Variants in BTRC observed in about 807,000 individuals in gnomAD.
BTRC encodes the protein beta-transducin repeat containing E3 ubiquitin protein ligase, also known as F-box/WD repeat-containing protein 1A.
BTRC carries 42 observed loss-of-function variants against 85.5 expected under a neutral mutation model. That is an observed-to-expected ratio of 0.49 (90% confidence interval 0.38 to 0.64). The LOEUF (loss-of-function observed/expected upper bound fraction) is 0.64. Ranked by LOEUF, BTRC falls within the 30% of genes least tolerant of loss-of-function variation. BTRC has a pLI of 0.00. For synonymous variants in BTRC, 255 were observed against 263.3 expected (o/e 0.97, Z 0.30); for missense variants, 594 against 743.5 (o/e 0.80, Z 2.34).
intron 9 of BTRC, 62 bp downstream of exon 9, chr10:101,533,132 T>C (rs2062326390): frequency 8.0e-7 from 1 of 1,245,386 alleles, no homozygotes; most frequent in African/African-American, 1.5e-5. Flanking sequence ...TTCTTTGTCA[T>C]AGATAGTAAT....
intron 1 of BTRC, among the ~76,000 whole-genome samples, chr10:101,410,701 C>CT (rs71016319): frequency 0.36 from 54,805 of 151,738 alleles, 10,990 homozygotes; most frequent in Middle Eastern, 0.48. Context: ...ATTGAGTTGT[C>CT]TTTTTTTATT....
At chr10:101,439,456 G>A (rs1035818829) in intron 2 of BTRC, among the ~76,000 whole-genome samples, 2 of 152,194 alleles carry the variant, frequency 1.3e-5, no homozygotes, top group African/African-American at 4.8e-5. Flanking sequence ...GAGAAAGAGA[G>A]ACTGACATAC....
chr10:101,467,716 A>G (rs1432700202), intron 3 of BTRC, among the ~76,000 whole-genome samples: 1 of 151,756 alleles, frequency 6.6e-6, no homozygotes, highest in African/African-American at 2.4e-5. Context: ...ATTGCCTGAG[A>G]TGTTTATTAA....
At chr10:101,538,159 C>T (rs1195128924) in intron 12 of BTRC, 134 bp from the exon 13 acceptor site, 1 of 743,132 alleles carries the variant, frequency 1.3e-6, no homozygotes, top group Non-Finnish European at 2.3e-6. Flanking sequence ...GCCTGTTTCT[C>T]ATTTGTAGGT....
At chr10:101,528,537 CT>C (rs1298517315) in intron 6 of BTRC, among the ~76,000 whole-genome samples, 1 of 152,182 alleles carries the variant, frequency 6.6e-6, no homozygotes, top group Non-Finnish European at 1.5e-5. Flanking sequence ...ACTATATCCC[CT>C]TGTCTTTGGG....
intron 4 of BTRC, among the ~76,000 whole-genome samples, chr10:101,507,066 G>A (rs1455488742): frequency 1.3e-5 from 2 of 152,150 alleles, no homozygotes; most frequent in Admixed American, 6.5e-5. Flanking sequence ...CATTTTAAAA[G>A]ATTTTATACA....
At chr10:101,401,713 G>A (rs1294479316) in intron 1 of BTRC, among the ~76,000 whole-genome samples, 3 of 151,660 alleles carry the variant, frequency 2.0e-5, no homozygotes, top group Admixed American at 6.6e-5. Flanking sequence ...TGGCTCACAC[G>A]TGTAATCCTG....
In BTRC at chr10:101,523,206, A is replaced by AAAAT. The variant is rs527889719; in HGVS notation, c.556+1354_556+1357dup. On this transcript the variant is annotated intron_variant, in intron 5 of 14. Coordinates refer to ENST00000370187, the MANE Select transcript of BTRC (RefSeq NM_033637.4). ...GCGACAGGGCGAGACTCCATCTCAGAAAATAAATAAATAAATAAATAGATA... is the reference window on the plus strand; with the variant it reads ...GCGACAGGGCGAGACTCCATCTCAGAAAATAAATAAATAAATAAATAAATAGATA... Among the ~76,000 whole-genome samples, 44 of 152,290 alleles carry AAAAT rather than the reference A, an allele frequency of 2.9e-4. No homozygotes were observed. In the South Asian group the frequency reaches 5.0e-3, roughly 17 times the overall value.
intron 1 of BTRC, among the ~76,000 whole-genome samples, chr10:101,419,691 AC>A (rs1944045333): frequency 6.6e-6 from 1 of 152,178 alleles, no homozygotes; most frequent in Non-Finnish European, 1.5e-5. Context: ...CATCACCTTT[AC>A]CAAGGGCATG....
chr10:101,360,146 C>T (rs1302739162), intron 1 of BTRC, among the ~76,000 whole-genome samples: 2 of 151,894 alleles, frequency 1.3e-5, no homozygotes, highest in African/African-American at 4.8e-5. Context: ...CCCCTACCTC[C>T]TGGGTTCAAG....
At chr10:101,410,691 ATTGAGTTGTCTTTTTTTATTTTT>A (rs2134021931) in intron 1 of BTRC, among the ~76,000 whole-genome samples, 2 of 139,844 alleles carry the variant, frequency 1.4e-5, no homozygotes, top group African/African-American at 5.0e-5. Flanking sequence ...CCATTTTTTA[ATTGAGTTGTCTTTTTTTATTTTT>A]TTGAGTTGTA....
chr10:101,534,940 A>G (rs2062362838), intron 10 of BTRC, 30 bp downstream of exon 10: 34 of 1,598,696 alleles, frequency 2.1e-5, no homozygotes, highest in Non-Finnish European at 2.7e-5. Context: ...TAAGTTTCCA[A>G]CTTAGAATGG....
intron 4 of BTRC, among the ~76,000 whole-genome samples, chr10:101,504,032 T>C (rs558495319): frequency 3.3e-5 from 5 of 152,218 alleles, no homozygotes; most frequent in Non-Finnish European, 7.3e-5. Context: ...ATGTTAGAAC[T>C]GAATTTTCTG....
rs150061719 is a variant in BTRC at position 101,521,439 on chromosome 10, G to A, written c.325-200G>A. ...ATGTCTTCTGCAAACTTTTGGAAATGGATGCTTAGTCTTCTAGTATTATAG... is the reference window on the plus strand; with the variant it reads ...ATGTCTTCTGCAAACTTTTGGAAATAGATGCTTAGTCTTCTAGTATTATAG... On this transcript the variant is annotated intron_variant, in intron 4 of 14. Transcript: ENST00000370187. 3.4e-3 allele frequency among the ~76,000 whole-genome samples: 519 copies of A among 152,288 alleles called. 3 individuals carry two copies. The highest frequency in any genetic ancestry group is 0.012 in the African/African-American group (499 of 41,562).
chr10:101,444,999 T>C (rs1203252556), intron 2 of BTRC, among the ~76,000 whole-genome samples: 1 of 152,152 alleles, frequency 6.6e-6, no homozygotes. Flanking sequence ...ACACAATGAA[T>C]GGGGCAGGAG....
chr10:101,368,271 C>T lies in BTRC; in HGVS notation c.48+14043C>T, dbSNP rs555385370. 5.3e-5 allele frequency among the ~76,000 whole-genome samples: 8 copies of T among 152,280 alleles called. No individual in the cohort carries two copies. The East Asian group carries it at 7.7e-4, about 15-fold the overall frequency. On this transcript the variant is annotated intron_variant, in intron 1 of 14. Coordinates refer to ENST00000370187, the MANE Select transcript of BTRC (RefSeq NM_033637.4). ...GATTTCTGCACATGCAGCTCCTCTT[C>T]GCCCTCCACCGTGAGTGGAAGCCGC... is the stretch of plus-strand genomic sequence containing the variant.
chr10:101,422,399 A>C (rs1290533231), intron 1 of BTRC, among the ~76,000 whole-genome samples: 4 of 152,036 alleles, frequency 2.6e-5, no homozygotes, highest in Non-Finnish European at 5.9e-5. Flanking sequence ...AGATTGCAAA[A>C]ATTTTCTTCC....
At chr10:101,453,607 ATTT>A (rs986263091) in intron 2 of BTRC, 2 of 152,154 alleles carry the variant, frequency 1.3e-5, no homozygotes, top group African/African-American at 4.8e-5. Context: ...AATTAGTTTA[ATTT>A]TTTATTTGAT....
chr10:101,529,559 A>T (rs1330244703), intron 6 of BTRC, among the ~76,000 whole-genome samples: 1 of 152,192 alleles, frequency 6.6e-6, no homozygotes, highest in Non-Finnish European at 1.5e-5. Flanking sequence ...GTACAGAGAA[A>T]TGTACCATTA....
Sources: allele counts gnomAD v4.1 joint callset (sites outside exome capture counted in the v4.1 genomes callset), GRCh38; gene constraint gnomAD v4.1.1; transcripts MANE v1.5; gene names NCBI Gene and HGNC (gene_info 2026-07-23, HGNC 2026-07-21).